Variants in INHBA observed in about 807,000 individuals in gnomAD.
The protein encoded by INHBA is inhibin subunit beta A, also known as inhibin beta A chain.
INHBA carries 1 observed loss-of-function variant against 29.0 expected under a neutral mutation model. The observed-to-expected ratio is 0.03, with a 90% CI of 0.01 to 0.16. INHBA has a LOEUF of 0.16. INHBA is among the 10% of genes least tolerant of loss of function. The pLI is 1.00. For missense variants in INHBA, 376 were observed against 545.4 expected, an observed-to-expected ratio of 0.69 and a Z score of 3.09; for synonymous variants, 242 against 216.8, an observed-to-expected ratio of 1.12 and a Z score of -1.02.
intron 2 of INHBA, among the ~76,000 whole-genome samples, chr7:41,694,824 A>C (rs2128670161): frequency 6.6e-6 from 1 of 152,312 alleles, no homozygotes; most frequent in Middle Eastern, 3.4e-3. Context: ...AGGTGCAGAA[A>C]AATGGGCAAA....
chr7:41,700,481 G>T lies in INHBA; in HGVS notation c.-107C>A, dbSNP rs1794757545. Reference sequence around the variant, plus strand: ...TGTGGATTTTTTTATTTTTTTTTTTGGTGTTTTTTTTTTCCTTCTCCTCTT... The same window carrying T: ...TGTGGATTTTTTTATTTTTTTTTTTTGTGTTTTTTTTTTCCTTCTCCTCTT... On this transcript the variant is annotated 5_prime_UTR_variant, in exon 2 of 3. Coordinates refer to ENST00000242208, the MANE Select transcript of INHBA (RefSeq NM_002192.4). The T allele has an allele frequency of 3.9e-6, 4 of 1,021,820 alleles. No individual in the cohort carries two copies. Among genetic ancestry groups the T allele is most frequent in the Non-Finnish European group, 4.0e-6 (3 of 753,606 alleles). 63.3% of individuals were successfully genotyped at this position (1,021,820 alleles called of 1,614,324 possible). A position where few individuals can be genotyped will look rare whatever the true frequency, so the allele number is the denominator to read the frequency against.
At chr7:41,699,907 C>T in intron 2 of INHBA, 80 bp downstream of exon 2, 2 of 942,152 alleles carry the variant, frequency 2.1e-6, no homozygotes, top group Non-Finnish European at 3.2e-6. Context: ...AAAAGAAGTT[C>T]CTCCTGGGAC....
intron 2 of INHBA, among the ~76,000 whole-genome samples, chr7:41,698,794 G>C (rs1794706888): frequency 6.6e-6 from 1 of 152,166 alleles, no homozygotes; most frequent in Non-Finnish European, 1.5e-5. Context: ...TGAGTCAACA[G>C]GTTTTCAGAT....
rs551268437 is a variant in INHBA at position 41,700,053 on chromosome 7, C to T, written c.322G>A (p.Gly108Arg). ...AGTTCATTCATTTCTGCCCTCCTTC[C>T]AATGTCATCCTCTATCTCCACATAC... ...NGYVEIEDDI[G>R]RRAEMNELME... The change falls in exon 2 of 3, where the codon GGA becomes AGA. Residue 108 changes from glycine to arginine, a missense_variant. Gly to Arg is a moderately radical substitution (Grantham distance 125, BLOSUM62 -2). Transcript: ENST00000242208. The T allele has an allele frequency of 6.2e-7, 1 of 1,611,326 alleles. No homozygotes were observed.
At chr7:41,701,393 C>T (rs1344837043) in intron 1 of INHBA, among the ~76,000 whole-genome samples, 1 of 152,030 alleles carries the variant, frequency 6.6e-6, no homozygotes. Context: ...GGTCCTTTCC[C>T]CCAATTCATT....
intron 2 of INHBA, among the ~76,000 whole-genome samples, chr7:41,695,206 C>T (rs533546482): frequency 1.3e-5 from 2 of 152,184 alleles, no homozygotes; most frequent in African/African-American, 4.8e-5. Flanking sequence ...ATATGTTGCT[C>T]TTTTACATAT....
At chr7:41,696,169 A>G (rs2128670452) in intron 2 of INHBA, among the ~76,000 whole-genome samples, 1 of 152,258 alleles carries the variant, frequency 6.6e-6, no homozygotes, top group South Asian at 2.1e-4. Context: ...GTCACTTGTC[A>G]TTTGTCGCTG....
Position 41,690,681 on chromosome 7 carries a change from G to A in INHBA, c.389-139C>T, listed in dbSNP as rs1012901372. On this transcript the variant is annotated intron_variant, in intron 2 of 2. Transcript: ENST00000242208. ...AGGGGTCAACAAATGACAGCCCATG[G>A]GCTGAAACTGTTTCTGTACTGCCTG... 92 of 1,087,264 alleles carry A rather than the reference G, an allele frequency of 8.5e-5. 1 individual carries two copies. The Admixed American group carries it at 1.9e-3, about 22-fold the overall frequency. The allele number at this position is 1,087,264 out of a possible 1,614,324, so 67.4% of individuals were successfully genotyped here.
chr7:41,691,283 G>C (rs1353665002), intron 2 of INHBA: 1 of 152,368 alleles, frequency 6.6e-6, no homozygotes, highest in African/African-American at 2.4e-5. Flanking sequence ...TCTTTGCTGG[G>C]TCACTGCAGC....
rs759232867 is a variant in INHBA at position 41,688,122 on chromosome 7, G to T, written c.*1528C>A. The T allele has an allele frequency of 1.3e-5, 2 of 152,172 alleles. No individual in the cohort carries two copies. 9.4% of individuals were successfully genotyped at this position (152,172 alleles called of 1,614,324 possible). On this transcript the variant is annotated 3_prime_UTR_variant, in exon 3 of 3. Transcript: ENST00000242208. ...AGCCTATCCTTCTTAAAAATACTGTGTTTTGCACACAAACATTCATTGCTT... is the reference window on the plus strand; with the variant it reads ...AGCCTATCCTTCTTAAAAATACTGTTTTTTGCACACAAACATTCATTGCTT...
Position 41,688,712 on chromosome 7 carries a change from TA to T in INHBA, c.*937del, listed in dbSNP as rs151200370. 205 of 143,148 alleles carry T rather than the reference TA, an allele frequency of 1.4e-3. No homozygotes were observed. The highest frequency in any genetic ancestry group is 1.9e-3 in the Non-Finnish European group (128 of 67,796). 8.9% of individuals were successfully genotyped at this position (143,148 alleles called of 1,614,324 possible). On this transcript the variant is annotated 3_prime_UTR_variant, in exon 3 of 3. Transcript: ENST00000242208. ...CATTGTAGTGCAAATAGTAAACGAT[TA>T]AAAAAAAAACAACAACAACATTTAC...
intron 2 of INHBA, among the ~76,000 whole-genome samples, chr7:41,695,003 A>G (rs1397152774): frequency 6.6e-6 from 1 of 152,170 alleles, no homozygotes; most frequent in African/African-American, 2.4e-5. Flanking sequence ...GTCAATCATG[A>G]AGGCATGGCA....
chr7:41,701,701 C>T lies in INHBA; in HGVS notation c.-143-1184G>A, dbSNP rs557474526. 9.2e-5 allele frequency among the ~76,000 whole-genome samples: 14 copies of T among 152,308 alleles called. No individual in the cohort carries two copies. In the South Asian group the frequency reaches 2.9e-3, roughly 32 times the overall value. On this transcript the variant is annotated intron_variant, in intron 1 of 2. Coordinates refer to ENST00000242208, the MANE Select transcript of INHBA (RefSeq NM_002192.4). ...AAATTCTCTTGGCCTTTCCCACATC[C>T]TTTTATAAAAAGAGTGCACTCGTAT...
At position 41,689,534 on chromosome 7, in the gene INHBA, T is replaced by G. The variant is rs77416038; in HGVS notation, c.*116A>C. The G allele has an allele frequency of 2.4e-6, 2 of 821,310 alleles. No homozygotes were observed. Among genetic ancestry groups the G allele is most frequent in the African/African-American group, 1.8e-5 (1 of 56,364 alleles). The allele number at this position is 821,310 out of a possible 1,614,324, so 50.9% of individuals were successfully genotyped here. ...TTTTGTTTTTTTTTGTTTTTTTTTT[T>G]GTTTTGTTTTTAATTTCTATTTTTC... On this transcript the variant is annotated 3_prime_UTR_variant, in exon 3 of 3. Coordinates refer to ENST00000242208, the MANE Select transcript of INHBA (RefSeq NM_002192.4).
At chr7:41,698,373 T>C in intron 2 of INHBA, among the ~76,000 whole-genome samples, 1 of 152,174 alleles carries the variant, frequency 6.6e-6, no homozygotes, top group South Asian at 2.1e-4. Context: ...CCATCATGTG[T>C]GGAGGTTGGT....
At chr7:41,702,555 A>G (rs78649736) in intron 1 of INHBA, among the ~76,000 whole-genome samples, 1 of 152,314 alleles carries the variant, frequency 6.6e-6, no homozygotes, top group East Asian at 1.9e-4. Flanking sequence ...TCATCCACCT[A>G]TTTGGAGTCA....
chr7:41,689,264 G>C lies in INHBA; in HGVS notation c.*386C>G. The stretch of plus-strand genomic sequence containing the variant: ...TCTAGATGCTATTTGGGTTGTTCTA[G>C]TCCACACTACTGCAGACTAGATTGG... On this transcript the variant is annotated 3_prime_UTR_variant, in exon 3 of 3. Transcript: ENST00000242208. The C allele has an allele frequency of 4.1e-6, 1 of 246,772 alleles. No individual in the cohort carries two copies. Among genetic ancestry groups the C allele is most frequent in the East Asian group, 6.0e-5 (1 of 16,796 alleles). The allele number at this position is 246,772 out of a possible 1,614,324, so 15.3% of individuals were successfully genotyped here. A position where few individuals can be genotyped will look rare whatever the true frequency, so the allele number is the denominator to read the frequency against.
rs1399044850 is a variant in INHBA, at chr7:41,689,352, G to A, written c.*298C>T. On this transcript the variant is annotated 3_prime_UTR_variant, in exon 3 of 3. Transcript: ENST00000242208. ...AGGACAATACCCCGTTTAAACAACT[G>A]ATGTCATCAGTGTGATTTCAGAAGA... 1 of 345,068 alleles carries A rather than the reference G, an allele frequency of 2.9e-6. No homozygotes were observed. The highest frequency in any genetic ancestry group is 2.1e-5 in the African/African-American group (1 of 47,484). The allele number at this position is 345,068 out of a possible 1,614,324, so 21.4% of individuals were successfully genotyped here.
chr7:41,695,828 A>G (rs551014948), intron 2 of INHBA, among the ~76,000 whole-genome samples: 2 of 152,332 alleles, frequency 1.3e-5, no homozygotes, highest in South Asian at 4.1e-4. Context: ...CCAGTCGAGT[A>G]CGAAGAATTC....
Sources: gnomAD v4.1 joint callset for allele counts (sites outside exome capture counted in the v4.1 genomes callset) on GRCh38, gnomAD v4.1.1 for gene constraint, MANE v1.5 for transcripts, NCBI Gene and HGNC (gene_info 2026-07-23, HGNC 2026-07-21) for gene names.